The following EIF4A2 variants were observed in gnomAD, a reference collection of about 807,000 sequenced individuals.
EIF4A2 encodes eukaryotic initiation factor 4A-II.
EIF4A2 carries 9 observed loss-of-function variants against 50.6 expected under a neutral mutation model. The observed-to-expected ratio is 0.18, with a 90% confidence interval of 0.11 to 0.31. The LOEUF (loss-of-function observed/expected upper bound fraction) is 0.31, where lower values mean the gene tolerates loss of function less well. Among genes scored for constraint, EIF4A2 ranks in the 10% least tolerant of loss-of-function variants. The pLI, the probability that EIF4A2 is intolerant of heterozygous loss-of-function variation, is 1.00. For missense variants in EIF4A2, 182 were observed against 501.8 expected (o/e 0.36, Z 6.09); for synonymous variants, 215 against 164.4 (o/e 1.31, Z -2.35).
At chr3:186,783,692 G>C (rs985699829) in intron 1 of EIF4A2, 53 bp downstream of exon 1, 1 of 1,613,784 alleles carries the variant, frequency 6.2e-7, no homozygotes, top group Admixed American at 1.7e-5. Context: ...AGGGCGCCAG[G>C]GGAGATGATA....
chr3:186,789,017 T>TA (rs780801534), intron 10 of EIF4A2, 108 bp from the exon 11 acceptor site: 4 of 1,466,808 alleles, frequency 2.7e-6, no homozygotes, highest in Non-Finnish European at 3.6e-6. Flanking sequence ...AAGCACGAAC[T>TA]ATAACCTTGA....
Position 186,789,806 on chromosome 3 carries a change from T to TC in EIF4A2, c.*539dup. 3 of 599,276 alleles carry TC rather than the reference T, an allele frequency of 5.0e-6. No individual in the cohort carries two copies. The allele number at this position is 599,276 out of a possible 1,614,324, so 37.1% of individuals were successfully genotyped here. ...CCTGTTGCTAAGCCCCAGCAAGCAA[T>TC]CCTAGGTAGGGTTTAATCCCCAGTA... On this transcript the variant is annotated 3_prime_UTR_variant, in exon 11 of 11. Transcript: ENST00000323963.
In EIF4A2 at chr3:186,789,222, A is replaced by G; in HGVS notation, c.1177A>G (p.Asn393Asp). ...TCTTCGTGACATTGAGACTTTCTAC[A>G]ATACTACAGTGGAGGAGATGCCCAT... is the stretch of plus-strand genomic sequence containing the variant. ...RILRDIETFY[N>D]TTVEEMPMNV... Residue 393 changes from asparagine to aspartate, a missense_variant, in exon 11 of 11, where the codon AAT becomes GAT. Physicochemically the swap from Asn to Asp is conservative, Grantham distance 23. Transcript: ENST00000323963. The G allele has an allele frequency of 6.2e-7, 1 of 1,612,940 alleles. No homozygotes were observed. Among genetic ancestry groups the G allele is most frequent in the Non-Finnish European group, 8.5e-7 (1 of 1,179,722 alleles).
chr3:186,784,718 A>T (rs756180145), intron 3 of EIF4A2, 22 bp downstream of exon 3: 1 of 1,611,760 alleles, frequency 6.2e-7, no homozygotes, highest in Non-Finnish European at 8.5e-7. Context: ...TGGCATTTTT[A>T]GGAAATTGTT....
chr3:186,787,409 C>T lies in EIF4A2; in HGVS notation c.910-86C>T, dbSNP rs757453128. The T allele has an allele frequency of 3.2e-5, 51 of 1,607,528 alleles. No homozygotes were observed. The South Asian group carries it at 4.9e-4, about 15-fold the overall frequency. On this transcript the variant is annotated intron_variant, in intron 8 of 10. Transcript: ENST00000323963. ...CTGTCTGCTATTCTCCTGTAGCAGCCAGGGACGCTTGGTCTCATACATGTT... is the reference window on the plus strand; with the variant it reads ...CTGTCTGCTATTCTCCTGTAGCAGCTAGGGACGCTTGGTCTCATACATGTT...
In EIF4A2 at chr3:186,785,117, T is replaced by C. The variant is rs1251575547; in HGVS notation, c.348+16T>C. On this transcript the variant is annotated intron_variant, in intron 4 of 10. Coordinates refer to ENST00000323963, the MANE Select transcript of EIF4A2 (RefSeq NM_001967.4). ...GGCTCAACAGGTATTGATAGTGTAG[T>C]TCAAAAAAACTGCTTGCGTGTTGCA... 1.2e-6 allele frequency: 2 copies of C among 1,611,646 alleles called. No individual in the cohort carries two copies. The highest frequency in any genetic ancestry group is 1.7e-6 in the Non-Finnish European group (2 of 1,179,092).
At chr3:186,787,732 T>C in intron 9 of EIF4A2, 71 bp from the exon 10 acceptor site, 1 of 1,602,902 alleles carries the variant, frequency 6.2e-7, no homozygotes, top group East Asian at 2.2e-5. Flanking sequence ...AGTTCGCTAC[T>C]ATTTTGTGGC....
Position 186,786,171 on chromosome 3 carries a change from A to G in EIF4A2, c.525A>G (p.Lys175=). 5.0e-6 allele frequency: 8 copies of G among 1,613,762 alleles called. No individual in the cohort carries two copies. The highest frequency in any genetic ancestry group is 1.1e-5 in the South Asian group (1 of 91,028). ...TGACTTTGTTTCTAACAGCTCCAAA[A>G]TGGATCAAAATGTTTGTTTTGGATG... ...DMLNRRYLSP[K]WIKMFVLDEA... Residue 175 remains lysine (K), a synonymous_variant, in exon 6 of 11, where the codon AAA becomes AAG. Transcript: ENST00000323963.
Position 186,789,377 on chromosome 3 carries a change from C to CAT in EIF4A2, c.*110_*111dup, listed in dbSNP as rs1721988898. 7.0e-7 allele frequency: 1 copy of CAT among 1,422,508 alleles called. No individual in the cohort carries two copies. Among genetic ancestry groups the CAT allele is most frequent in the South Asian group, 1.5e-5 (1 of 67,242 alleles). The allele number at this position is 1,422,508 out of a possible 1,614,324, so 88.1% of individuals were successfully genotyped here. On this transcript the variant is annotated 3_prime_UTR_variant, in exon 11 of 11. Coordinates refer to ENST00000323963, the MANE Select transcript of EIF4A2 (RefSeq NM_001967.4). The stretch of plus-strand genomic sequence containing the variant: ...AATATTTGAATCTTGTCTCAATGCT[C>CAT]ATAACGGATCAGAAATACAGATTTT...
intron 8 of EIF4A2, 83 bp downstream of exon 8, chr3:186,787,347 T>G: frequency 6.2e-7 from 1 of 1,611,458 alleles, no homozygotes; most frequent in South Asian, 1.1e-5. Context: ...GTGTTGTCGT[T>G]CCCCCTGCTT....
chr3:186,789,399 T>C lies in EIF4A2; in HGVS notation c.*130T>C. ...GCTCATAACGGATCAGAAATACAGA[T>C]TTTGATAGCAAAGCGACGTTAGTCG... On this transcript the variant is annotated 3_prime_UTR_variant, in exon 11 of 11. Transcript: ENST00000323963. 6.0e-6 allele frequency: 8 copies of C among 1,342,228 alleles called. No homozygotes were observed. Among genetic ancestry groups the C allele is most frequent in the Non-Finnish European group, 8.0e-6 (8 of 1,005,974 alleles). The allele number at this position is 1,342,228 out of a possible 1,614,324, so 83.1% of individuals were successfully genotyped here.
intron 7 of EIF4A2, 181 bp downstream of exon 7, chr3:186,786,826 T>C: frequency 1.1e-6 from 1 of 944,458 alleles, no homozygotes; most frequent in Non-Finnish European, 1.8e-6. Context: ...TCCAATGTCC[T>C]TTGTCTTAAG....
intron 1 of EIF4A2, chr3:186,784,194 A>G (rs1721551595): frequency 3.4e-6 from 2 of 587,980 alleles, no homozygotes; most frequent in Non-Finnish European, 5.9e-6. Context: ...CTCTCGCGAG[A>G]CGCTCCGCAG....
In EIF4A2 at chr3:186,786,280, A is replaced by G. The variant is rs370965551; in HGVS notation, c.627+7A>G. 3.7e-6 allele frequency: 6 copies of G among 1,609,684 alleles called. No individual in the cohort carries two copies. The highest frequency in any genetic ancestry group is 1.7e-4 in the Middle Eastern group (1 of 5,926). On this transcript the variant is annotated splice_region_variant and intron_variant, in intron 6 of 10. Transcript: ENST00000323963. ...ACTAAACACAAGTATTCAGGTAAGC[A>G]TTACTTCACCCCCCTCTTAAAGGTA... is the stretch of plus-strand genomic sequence containing the variant.
intron 10 of EIF4A2, chr3:186,788,139 T>A (rs1038497510): frequency 5.4e-5 from 36 of 668,590 alleles, no homozygotes; most frequent in Non-Finnish European, 8.6e-5. Flanking sequence ...TTTAGTGATG[T>A]TCTTGTGTCC....
chr3:186,788,859 C>T (rs565038296), intron 10 of EIF4A2: 84 of 384,954 alleles, frequency 2.2e-4, no homozygotes, highest in African/African-American at 1.4e-3. Flanking sequence ...ACCCCAAACA[C>T]GATACTGTCA....
chr3:186,788,281 T>G (rs1207592063), intron 10 of EIF4A2: 1 of 1,289,098 alleles, frequency 7.8e-7, no homozygotes, highest in Non-Finnish European at 1.0e-6. Flanking sequence ...TGTTATATGA[T>G]GTAAAAAAAG....
intron 4 of EIF4A2, 197 bp downstream of exon 4, chr3:186,785,298 A>C (rs1560084156): frequency 5.7e-6 from 4 of 707,780 alleles, no homozygotes; most frequent in Non-Finnish European, 9.0e-6. Flanking sequence ...TTGTATACTA[A>C]TAGATTGAGA....
In EIF4A2 at chr3:186,785,924, C is replaced by G. The variant is rs1419265135; in HGVS notation, c.390C>G (p.Ala130=). The G allele has an allele frequency of 1.2e-6, 2 of 1,609,270 alleles. No individual in the cohort carries two copies. The highest frequency in any genetic ancestry group is 3.3e-5 in the Admixed American group (2 of 59,938). ...TGGCACTTGGAGACTATATGGGAGC[C>G]ACTTGTCATGCCTGCATTGGTGGAA... ...VILALGDYMG[A]TCHACIGGTN... is the part of the protein sequence containing the mutation. Residue 130 remains alanine (A), a synonymous_variant, in exon 5 of 11, where the codon GCC becomes GCG. Coordinates refer to ENST00000323963, the MANE Select transcript of EIF4A2 (RefSeq NM_001967.4).
Sources: gnomAD v4.1 joint callset for allele counts on GRCh38, gnomAD v4.1.1 for gene constraint, MANE v1.5 for transcripts, NCBI Gene and HGNC (gene_info 2026-07-23, HGNC 2026-07-21) for gene names.